SMC2: variants seen among roughly 807,000 people sequenced by gnomAD.
The protein encoded by SMC2 is structural maintenance of chromosomes 2.
A neutral mutation model predicts 142.6 loss-of-function variants in SMC2; 41 were observed. The observed-to-expected ratio is 0.29, with a 90% CI of 0.22 to 0.37. The LOEUF is 0.37. Ranked by LOEUF, SMC2 falls within the 10% of genes least tolerant of loss-of-function variation. The probability of loss-of-function intolerance (pLI) is 1.00; values close to 1 mark genes in which losing one functional copy is unlikely to be tolerated. For synonymous variants in SMC2, 463 were observed against 457.5 expected (o/e 1.01, Z -0.15); for missense variants, 1,265 against 1,373.7 (o/e 0.92, Z 1.25).
intron 21 of SMC2, among the ~76,000 whole-genome samples, chr9:104,130,500 T>G (rs978535599): frequency 6.6e-6 from 1 of 152,186 alleles, no homozygotes; most frequent in Non-Finnish European, 1.5e-5. Context: ...GCTGGAAAAT[T>G]CTGTTTGAAT....
rs1564126148 is a variant in SMC2 at position 104,139,451 on chromosome 9, CTT to C, written c.*137_*138del. On this transcript the variant is annotated 3_prime_UTR_variant, in exon 25 of 25. Coordinates refer to ENST00000374793, the MANE Select transcript of SMC2 (RefSeq NM_006444.3). ...CCCATGTTTTCTCTTTATATAATCA[CTT>C]ATCGCTTACAAATGAGCATATATTC... The C allele has an allele frequency of 1.6e-6, 1 of 626,454 alleles. No individual in the cohort carries two copies. The highest frequency in any genetic ancestry group is 2.6e-6 in the Non-Finnish European group (1 of 380,420). 38.8% of individuals were successfully genotyped at this position (626,454 alleles called of 1,614,324 possible).
At position 104,102,579 on chromosome 9, in the gene SMC2, T is replaced by G; in HGVS notation, c.1020+6T>G. 1 of 1,611,006 alleles carries G rather than the reference T, an allele frequency of 6.2e-7. No individual in the cohort carries two copies. Among genetic ancestry groups the G allele is most frequent in the Non-Finnish European group, 8.5e-7 (1 of 1,178,616 alleles). The stretch of plus-strand genomic sequence containing the variant: ...TGGAAAAAAATATGGTTGAGGTAAG[T>G]GAGCTTAATGTGCCACTAGTGCCAC... On this transcript the variant is annotated splice_donor_region_variant and intron_variant, in intron 9 of 24. Transcript: ENST00000374793.
intron 6 of SMC2, 45 bp from the exon 7 acceptor site, chr9:104,100,344 A>G (rs761711498): frequency 5.4e-6 from 8 of 1,480,048 alleles, no homozygotes; most frequent in African/African-American, 1.4e-5. Context: ...ATAAATTTTA[A>G]TGATACTTTA....
At chr9:104,124,119 GTCTC>G (rs1206876525) in intron 17 of SMC2, among the ~76,000 whole-genome samples, 5 of 152,252 alleles carry the variant, frequency 3.3e-5, no homozygotes, top group Middle Eastern at 3.4e-3. Context: ...TTGAGACGGA[GTCTC>G]TCTCTGTCCC....
At chr9:104,131,484 A>G (rs1834961761) in intron 21 of SMC2, among the ~76,000 whole-genome samples, 1 of 152,080 alleles carries the variant, frequency 6.6e-6, no homozygotes, top group African/African-American at 2.4e-5. Flanking sequence ...AAACCTGCAC[A>G]TTCTGCACAT....
intron 3 of SMC2, among the ~76,000 whole-genome samples, chr9:104,097,125 T>G (rs955407591): frequency 6.8e-6 from 1 of 146,972 alleles, no homozygotes; most frequent in East Asian, 2.0e-4. Context: ...CAAGGTTTTT[T>G]TTTTTTTTTT....
chr9:104,112,358 T>C (rs1333031547), intron 10 of SMC2, among the ~76,000 whole-genome samples: 3 of 152,216 alleles, frequency 2.0e-5, no homozygotes, highest in African/African-American at 4.8e-5. Flanking sequence ...CAGTCTATTA[T>C]AATGTTTCTC....
chr9:104,132,048 G>T lies in SMC2; in HGVS notation c.3031G>T (p.Asp1011Tyr). Residue 1011 changes from aspartate to tyrosine, a missense_variant, in exon 22 of 25, where the codon GAC (aspartate) becomes TAC (tyrosine). Asp to Tyr is a radical substitution (Grantham distance 160). Coordinates refer to ENST00000374793, the MANE Select transcript of SMC2 (RefSeq NM_006444.3). ...GAAGAAGAAGAGAATTGTAGAAAAT[G>T]ACAAATCCAAAATTCTTACAACTAT... ...LMKKKRIVEN[D>Y]KSKILTTIED... 1 of 1,598,284 alleles carries T rather than the reference G, an allele frequency of 6.3e-7. No homozygotes were observed. Among genetic ancestry groups the T allele is most frequent in the South Asian group, 1.1e-5 (1 of 88,480 alleles).
In SMC2 at chr9:104,102,488, A is replaced by T; in HGVS notation, c.935A>T (p.Lys312Ile). 1.2e-6 allele frequency: 2 copies of T among 1,613,870 alleles called. No homozygotes were observed. Among genetic ancestry groups the T allele is most frequent in the Non-Finnish European group, 1.7e-6 (2 of 1,179,826 alleles). Residue 312 changes from lysine (K) to isoleucine (I), a missense_variant, in exon 9 of 25, where the codon AAA (lysine) becomes ATA (isoleucine). Physicochemically the swap from Lys to Ile is moderately radical, Grantham distance 102. Around this residue, in one of 4 missense-constraint regions of SMC2, gnomAD observed 898 missense variants for 904.2 expected, o/e 0.99. Transcript: ENST00000374793. ...ALAEAQRVNT[K>I]SQSAFDLKKK... ...GCAGAGGCTCAGCGAGTTAATACTA[A>T]ATCTCAAAGCGCATTTGATCTCAAG... is the stretch of plus-strand genomic sequence containing the variant.
At position 104,102,362 on chromosome 9, in the gene SMC2, A is replaced by G; in HGVS notation, c.871-62A>G. The G allele has an allele frequency of 8.9e-6, 13 of 1,462,544 alleles. 1 individual carries two copies. The highest frequency in any genetic ancestry group is 7.9e-5 in the South Asian group (6 of 75,542). The allele number at this position is 1,462,544 out of a possible 1,614,324, so 90.6% of individuals were successfully genotyped here. On this transcript the variant is annotated intron_variant, in intron 8 of 24. Transcript: ENST00000374793. ...AAAGTGTTTGATACAGAACTCATACAATAAAATGACAGCGTGAACAAATTT... is the reference window on the plus strand; with the variant it reads ...AAAGTGTTTGATACAGAACTCATACGATAAAATGACAGCGTGAACAAATTT...
chr9:104,119,242 G>A (rs965598503), intron 15 of SMC2, among the ~76,000 whole-genome samples: 1 of 152,272 alleles, frequency 6.6e-6, no homozygotes, highest in African/African-American at 2.4e-5. Context: ...ATGTCTACAA[G>A]AGAAGAAACT....
intron 9 of SMC2, among the ~76,000 whole-genome samples, chr9:104,109,383 G>A (rs1052835002): frequency 3.9e-5 from 6 of 152,084 alleles, no homozygotes; most frequent in African/African-American, 7.2e-5. Flanking sequence ...CTTTAAAAGC[G>A]TATTCAGAAT....
At position 104,095,203 on chromosome 9, in the gene SMC2, A is replaced by G. The variant is rs963835573; in HGVS notation, c.-61-121A>G. 46 of 557,718 alleles carry G rather than the reference A, an allele frequency of 8.2e-5. 1 individual carries two copies. The highest frequency in any genetic ancestry group is 1.4e-4 in the Non-Finnish European group (45 of 316,242). 34.5% of individuals were successfully genotyped at this position (557,718 alleles called of 1,614,324 possible). A position where few individuals can be genotyped will look rare whatever the true frequency, so the allele number is the denominator to read the frequency against. On this transcript the variant is annotated intron_variant, in intron 1 of 24. Coordinates refer to ENST00000374793, the MANE Select transcript of SMC2 (RefSeq NM_006444.3). ...GATGAACGATGTCTTTACATCAGAC[A>G]AGATAGTTTGTCAAGTGGCTGTTTT...
At chr9:104,100,230 C>T (rs773868295) in intron 6 of SMC2, 27 bp downstream of exon 6, 23 of 1,473,864 alleles carry the variant, frequency 1.6e-5, no homozygotes, top group Admixed American at 7.2e-5. Flanking sequence ...AAAATATTTT[C>T]GGAGAAGAAT....
At position 104,102,566 on chromosome 9, in the gene SMC2, T is replaced by A; in HGVS notation, c.1013T>A (p.Met338Lys). ...ESKRKELEKNMVEDSKTLAAK... is the reference protein window; with the variant it reads ...ESKRKELEKNKVEDSKTLAAK... ...AAACGCAAAGAGCTGGAAAAAAATA[T>A]GGTTGAGGTAAGTGAGCTTAATGTG... The change falls in exon 9 of 25, where the codon ATG becomes AAG. Residue 338 changes from methionine to lysine, a missense_variant. Physicochemically the swap from Met to Lys is moderately conservative, Grantham distance 95. Transcript: ENST00000374793. The A allele has an allele frequency of 4.3e-6, 7 of 1,612,912 alleles. No homozygotes were observed. The highest frequency in any genetic ancestry group is 5.9e-6 in the Non-Finnish European group (7 of 1,179,472).
At chr9:104,108,526 C>T (rs1832072712) in intron 9 of SMC2, among the ~76,000 whole-genome samples, 1 of 152,192 alleles carries the variant, frequency 6.6e-6, no homozygotes, top group African/African-American at 2.4e-5. Context: ...CCTGTTCCCT[C>T]TCGGGATCCA....
the SMC2 span, among the ~76,000 whole-genome samples, chr9:104,088,919 C>T: frequency 6.6e-6 from 1 of 151,806 alleles, no homozygotes; most frequent in Non-Finnish European, 1.5e-5. Context: ...TACATCTATC[C>T]ACCAACAAAG....
intron 2 of SMC2, 53 bp from the exon 3 acceptor site, chr9:104,096,095 C>G: frequency 6.4e-7 from 1 of 1,559,186 alleles, no homozygotes; most frequent in Non-Finnish European, 8.8e-7. Context: ...TTTAGTGCTG[C>G]TTTGTACGGT....
At chr9:104,107,690 G>C (rs1407677136) in intron 9 of SMC2, among the ~76,000 whole-genome samples, 2 of 152,142 alleles carry the variant, frequency 1.3e-5, no homozygotes, top group African/African-American at 4.8e-5. Context: ...GACTATATCT[G>C]GGATACTTCC....
Sources: gnomAD v4.1 joint callset for allele counts (sites outside exome capture counted in the v4.1 genomes callset) on GRCh38, gnomAD v4.1.1 for gene constraint, gnomAD v4.1.1 regional missense constraint, MANE v1.5 for transcripts, NCBI Gene and HGNC (gene_info 2026-07-23, HGNC 2026-07-21) for gene names.